LANCL1: variants seen among roughly 807,000 people sequenced by gnomAD.
LANCL1 encodes glutathione S-transferase LANCL1.
Under a neutral mutation model 50.6 loss-of-function variants are expected in LANCL1, and 50 were observed. The ratio of observed to expected loss-of-function variants is 0.99; its 90% CI spans 0.79 to 1.25. The LOEUF is 1.25. LANCL1 is among the 50% of genes most tolerant of loss of function. The pLI, the probability that LANCL1 is intolerant of heterozygous loss-of-function variation, is 0.00. For missense variants in LANCL1, 532 were observed against 480.7 expected (o/e 1.11, Z -1.00); for synonymous variants, 188 against 178.6 (o/e 1.05, Z -0.42).
At chr2:210,446,215 C>T (rs928543118) in intron 4 of LANCL1, among the ~76,000 whole-genome samples, 32 of 105,386 alleles carry the variant, frequency 3.0e-4, no homozygotes, top group African/African-American at 1.1e-3. Context: ...AAGAGAGCTC[C>T]GGCTGGCATC....
rs1692807235 is a variant in LANCL1, at chr2:210,433,268, T to TA, written c.*1218dup. ...GAAGCACCAGAGAGTCTTTATCTAC[T>TA]ACGGAAAACCTGATTCTGTGGTCTC... On this transcript the variant is annotated 3_prime_UTR_variant, in exon 10 of 10. Coordinates refer to ENST00000450366, the MANE Select transcript of LANCL1 (RefSeq NM_006055.3). 1 of 152,370 alleles carries TA rather than the reference T, an allele frequency of 6.6e-6. No homozygotes were observed. The highest frequency in any genetic ancestry group is 2.4e-5 in the African/African-American group (1 of 41,444). The allele number at this position is 152,370 out of a possible 1,614,324, so 9.4% of individuals were successfully genotyped here. A position where few individuals can be genotyped will look rare whatever the true frequency, so the allele number is the denominator to read the frequency against.
At chr2:210,441,211 T>G (rs1352698583) in intron 5 of LANCL1, 97 bp downstream of exon 5, 5 of 1,216,560 alleles carry the variant, frequency 4.1e-6, no homozygotes, top group Non-Finnish European at 5.8e-6. Context: ...TTCCTTTATA[T>G]GGAATGTGCT....
chr2:210,475,786 CT>C (rs78484440), intron 2 of LANCL1, among the ~76,000 whole-genome samples: 3 of 151,458 alleles, frequency 2.0e-5, no homozygotes, highest in Admixed American at 6.6e-5. Flanking sequence ...TTACAAGTTT[CT>C]TTTTTTTTGT....
intron 5 of LANCL1, 104 bp downstream of exon 5, chr2:210,441,204 C>CTATAA: frequency 8.5e-7 from 1 of 1,177,362 alleles, no homozygotes; most frequent in Non-Finnish European, 1.2e-6. Flanking sequence ...ATACACCTTC[C>CTATAA]TTTATATGGA....
At chr2:210,471,042 ATTTTT>A (rs35572251) in intron 3 of LANCL1, among the ~76,000 whole-genome samples, 1 of 96,286 alleles carries the variant, frequency 1.0e-5, no homozygotes. Flanking sequence ...TTCTTCTTTG[ATTTTT>A]TTTTTTTTTT....
At chr2:210,435,549 AAAAT>A (rs1692898712) in intron 8 of LANCL1, 90 bp from the exon 9 acceptor site, 16 of 908,772 alleles carry the variant, frequency 1.8e-5, no homozygotes, top group Non-Finnish European at 2.9e-5. Context: ...ATTACTCTGA[AAAAT>A]CAAACACTAC....
At chr2:210,444,773 T>C (rs1693258851) in intron 4 of LANCL1, among the ~76,000 whole-genome samples, 1 of 152,138 alleles carries the variant, frequency 6.6e-6, no homozygotes. Flanking sequence ...TCTTGTATAC[T>C]TTGACCTTTT....
intron 4 of LANCL1, 47 bp downstream of exon 4, chr2:210,455,060 A>G: frequency 6.8e-7 from 1 of 1,465,634 alleles, no homozygotes; most frequent in South Asian, 1.2e-5. Context: ...TGCAGAATTA[A>G]TGCATAATGA....
intron 3 of LANCL1, among the ~76,000 whole-genome samples, chr2:210,460,071 A>G (rs1693801898): frequency 6.6e-6 from 1 of 152,184 alleles, no homozygotes; most frequent in African/African-American, 2.4e-5. Flanking sequence ...TCATATGCAT[A>G]TGGAGATAAA....
At chr2:210,437,085 A>AT (rs1167637352) in intron 7 of LANCL1, among the ~76,000 whole-genome samples, 2 of 152,156 alleles carry the variant, frequency 1.3e-5, no homozygotes, top group Non-Finnish European at 2.9e-5. Context: ...GGTCATAGAT[A>AT]TCTTTTTTTT....
At chr2:210,440,496 T>C (rs1693093549) in intron 6 of LANCL1, 102 bp downstream of exon 6, 1 of 1,140,938 alleles carries the variant, frequency 8.8e-7, no homozygotes, top group Non-Finnish European at 1.2e-6. Flanking sequence ...AATGCAGTGG[T>C]TGACAGAATG....
At chr2:210,448,197 T>C (rs185097149) in intron 4 of LANCL1, among the ~76,000 whole-genome samples, 1 of 152,284 alleles carries the variant, frequency 6.6e-6, no homozygotes, top group East Asian at 1.9e-4. Flanking sequence ...ATCAAGAAAC[T>C]CACTCAGAAC....
intron 3 of LANCL1, among the ~76,000 whole-genome samples, chr2:210,459,116 A>G (rs1346874645): frequency 4.3e-4 from 66 of 152,106 alleles, no homozygotes; most frequent in Admixed American, 4.3e-3. Flanking sequence ...ATGAGATTTA[A>G]ATTTTGATTG....
intron 2 of LANCL1, among the ~76,000 whole-genome samples, chr2:210,472,310 C>T (rs1401286791): frequency 1.3e-5 from 2 of 152,100 alleles, no homozygotes; most frequent in Admixed American, 6.5e-5. Flanking sequence ...AATACTAAAA[C>T]AGACTGCCAA....
At chr2:210,468,579 T>C (rs1293961004) in intron 3 of LANCL1, 1 of 152,244 alleles carries the variant, frequency 6.6e-6, no homozygotes, top group African/African-American at 2.4e-5. Flanking sequence ...TTCTGGCCAA[T>C]GCAAAGTAAG....
chr2:210,458,196 C>T (rs193228202), intron 3 of LANCL1, among the ~76,000 whole-genome samples: 1 of 152,134 alleles, frequency 6.6e-6, no homozygotes, highest in Non-Finnish European at 1.5e-5. Context: ...AGCTGCCACA[C>T]CAGTCCATGG....
At chr2:210,473,307 G>A (rs1694273223) in intron 2 of LANCL1, among the ~76,000 whole-genome samples, 1 of 152,140 alleles carries the variant, frequency 6.6e-6, no homozygotes, top group African/African-American at 2.4e-5. Flanking sequence ...CCTGGGAGAT[G>A]GAGGTTGTGG....
At position 210,437,714 on chromosome 2, in the gene LANCL1, G is replaced by A; in HGVS notation, c.849C>T (p.Ile283=). 8 of 1,606,660 alleles carry A rather than the reference G, an allele frequency of 5.0e-6. No individual in the cohort carries two copies. The highest frequency in any genetic ancestry group is 6.8e-6 in the Non-Finnish European group (8 of 1,176,848). ...VHWCHGAPGV[I]YMLIQAYKVF... ...CCTTATAGGCCTGGATGAGCATGTAGATTACCCCAGGGGCGCCATGGCACC... is the reference window on the plus strand; with the variant it reads ...CCTTATAGGCCTGGATGAGCATGTAAATTACCCCAGGGGCGCCATGGCACC... The change falls in exon 7 of 10, where the codon ATC becomes ATT. Residue 283 remains isoleucine, a synonymous_variant. Transcript: ENST00000450366.
chr2:210,461,999 A>G (rs1693879099), intron 3 of LANCL1, among the ~76,000 whole-genome samples: 1 of 152,172 alleles, frequency 6.6e-6, no homozygotes, highest in African/African-American at 2.4e-5. Context: ...TATAATAACA[A>G]TTCCTTACCA....
Sources: allele counts gnomAD v4.1 joint callset (sites outside exome capture counted in the v4.1 genomes callset), GRCh38; gene constraint gnomAD v4.1.1; transcripts MANE v1.5; gene names NCBI Gene and HGNC (gene_info 2026-07-23, HGNC 2026-07-21).